The following ERI2 variants were observed in gnomAD, a reference collection of about 807,000 sequenced individuals.
ERI2 encodes the protein ERI1 exoribonuclease family member 2, also known as ERI1 exoribonuclease 2.
In ERI2, 35 loss-of-function variants were observed where a neutral mutation model predicts 46.8. The ratio of observed to expected loss-of-function variants is 0.75; its 90% confidence interval spans 0.57 to 0.99. ERI2 has a LOEUF of 0.99. ERI2 is among the 50% of genes least tolerant of loss of function. The probability of loss-of-function intolerance (pLI) is 0.00; values close to 1 mark genes in which losing one functional copy is unlikely to be tolerated. For synonymous variants in ERI2, 224 were observed against 271.0 expected (o/e 0.83, Z 1.70); for missense variants, 695 against 796.2 (o/e 0.87, Z 1.53).
At chr16:20,802,035 AG>A (rs995689660) in intron 4 of ERI2, among the ~76,000 whole-genome samples, 90 of 148,590 alleles carry the variant, frequency 6.1e-4, no homozygotes, top group African/African-American at 2.2e-3. Flanking sequence ...CTGAGATTAC[AG>A]GTATGTTCCT....
In ERI2 at chr16:20,798,875, C is replaced by A. The variant is rs2080764819; in HGVS notation, c.925G>T (p.Asp309Tyr). Residue 309 changes from aspartate (D) to tyrosine (Y), a missense_variant, in exon 9 of 9, where the codon GAT becomes TAT. By Grantham distance (160) the Asp-to-Tyr change is radical. Transcript: ENST00000357967. ...ATATTGTTTTTTACTTGTAATTGAT[C>A]CTGTTGTGCCTTTATAGGAGAATTT... ...CANSPIKAQQ[D>Y]QLQVKNNIKA... 1 of 1,550,222 alleles carries A rather than the reference C, an allele frequency of 6.5e-7. No homozygotes were observed. The highest frequency in any genetic ancestry group is 8.7e-7 in the Non-Finnish European group (1 of 1,146,614).
At chr16:20,780,782 G>A in intron 10 of ERI2, 1 of 1,614,202 alleles carries the variant, frequency 6.2e-7, no homozygotes, top group Non-Finnish European at 8.5e-7. Context: ...TTCTTTACCA[G>A]TGGAACAAGT....
chr16:20,792,347 G>C (rs1427443366), downstream of ERI2: 1 of 1,613,444 alleles, frequency 6.2e-7, no homozygotes, highest in East Asian at 2.2e-5. Flanking sequence ...TAAAAGAACT[G>C]ATTCATGTCA....
chr16:20,796,884 A>AG lies in ERI2; in HGVS notation c.*839dup, dbSNP rs751833102. On this transcript the variant is annotated 3_prime_UTR_variant, in exon 9 of 9. Coordinates refer to ENST00000357967, the MANE Select transcript of ERI2 (RefSeq NM_001142725.2). Reference sequence around the variant, plus strand: ...TAATTTTCTTCCCCTTGATGCCAACAGGTAGAATTTATTCAAGAGCTGCCA... The same window carrying AG: ...TAATTTTCTTCCCCTTGATGCCAACAGGGTAGAATTTATTCAAGAGCTGCCA... 6.2e-6 allele frequency: 10 copies of AG among 1,611,486 alleles called. No individual in the cohort carries two copies. The highest frequency in any genetic ancestry group is 5.1e-6 in the Non-Finnish European group (6 of 1,179,218).
intron 10 of ERI2, among the ~76,000 whole-genome samples, chr16:20,788,412 G>A (rs184354280): frequency 1.5e-4 from 23 of 152,256 alleles, no homozygotes; most frequent in Admixed American, 9.8e-4. Context: ...CCATTAATTT[G>A]AGCCCAGTGG....
downstream of ERI2, chr16:20,791,991 T>C (rs768775183): frequency 1.3e-5 from 21 of 1,613,454 alleles, 1 homozygote; most frequent in South Asian, 2.2e-4. Flanking sequence ...AAAATGCTAT[T>C]TGTTTTGCAG....
chr16:20,781,239 A>T (rs773093336), intron 10 of ERI2: 77 of 1,334,866 alleles, frequency 5.8e-5, no homozygotes, highest in Middle Eastern at 1.9e-4. Context: ...AATATGATTT[A>T]AGATATGTCA....
At chr16:20,781,870 C>T in intron 10 of ERI2, 2 of 1,079,040 alleles carry the variant, frequency 1.9e-6, no homozygotes, top group Non-Finnish European at 1.4e-6. Context: ...CTGCCTGAAA[C>T]ATAGCTCCAA....
Position 20,799,339 on chromosome 16 carries a change from G to A in ERI2, c.656C>T (p.Ser219Phe). ...SGREHSGLDD[S>F]RNTALLAWKM... ...CCAAGCAAGAAGGGCAGTATTCCGAGAATCGTCCAACCCTGAGGATACAGA... is the reference window on the plus strand; with the variant it reads ...CCAAGCAAGAAGGGCAGTATTCCGAAAATCGTCCAACCCTGAGGATACAGA... Residue 219 changes from serine (S) to phenylalanine (F), a missense_variant, in exon 8 of 9, where the codon TCT becomes TTT. Physicochemically the swap from Ser to Phe is radical, Grantham distance 155. Coordinates refer to ENST00000357967, the MANE Select transcript of ERI2 (RefSeq NM_001142725.2). The A allele has an allele frequency of 6.2e-7, 1 of 1,613,588 alleles. No homozygotes were observed. The highest frequency in any genetic ancestry group is 1.1e-5 in the South Asian group (1 of 91,062).
intron 10 of ERI2, among the ~76,000 whole-genome samples, chr16:20,784,115 C>G (rs1180896436): frequency 6.6e-6 from 1 of 152,118 alleles, no homozygotes; most frequent in African/African-American, 2.4e-5. Flanking sequence ...CTTTCCTTCT[C>G]TATTATAAAC....
chr16:20,796,306 C>T, downstream of ERI2: 2 of 1,575,192 alleles, frequency 1.3e-6, no homozygotes, highest in South Asian at 2.4e-5. Flanking sequence ...AGCAAGCAAA[C>T]AAGACATACT....
At chr16:20,784,987 T>C (rs758260429) in intron 10 of ERI2, 15 of 1,611,122 alleles carry the variant, frequency 9.3e-6, no homozygotes, top group Middle Eastern at 1.6e-4. Flanking sequence ...TGAGAAGCTA[T>C]AAGTTTAAAA....
At chr16:20,795,191 TG>T (rs1433660354), downstream of ERI2, among the ~76,000 whole-genome samples, 3 of 152,174 alleles carry the variant, frequency 2.0e-5, no homozygotes, top group African/African-American at 7.2e-5. Flanking sequence ...GTGTTGTTGT[TG>T]TTTTTTTTCT....
At chr16:20,786,065 T>TAAGAA in intron 10 of ERI2, 1 of 1,503,220 alleles carries the variant, frequency 6.7e-7, no homozygotes, top group Non-Finnish European at 9.0e-7. Flanking sequence ...TACTTTTTCT[T>TAAGAA]CTTCTTAACT....
rs769462806 is a variant in ERI2 at position 20,799,114 on chromosome 16, G to A, written c.733-47C>T. 408 of 1,478,140 alleles carry A rather than the reference G, an allele frequency of 2.8e-4. 1 individual carries two copies. The highest frequency in any genetic ancestry group is 3.4e-4 in the Non-Finnish European group (382 of 1,117,064). The allele number at this position is 1,478,140 out of a possible 1,614,324, so 91.6% of individuals were successfully genotyped here. A position where few individuals can be genotyped will look rare whatever the true frequency, so the allele number is the denominator to read the frequency against. ...CAACAGCTTTAGAAACTGTGCATTC[G>A]TTAATTTCTTCAGTATACAGTTTTA... On this transcript the variant is annotated intron_variant, in intron 8 of 8. Transcript: ENST00000357967.
chr16:20,798,777 C>G lies in ERI2; in HGVS notation c.1023G>C (p.Gln341His). ...FNTKSSTSVG[Q>H]LQSPTLNSPI... ...GTGAATTCAAGGTAGGAGACTGCAA[C>G]TGCCCCACAGAAGTAGAGGACTTAG... Residue 341 changes from glutamine to histidine, a missense_variant, in exon 9 of 9, where the codon CAG becomes CAC. Gln to His is a conservative substitution (Grantham distance 24). Coordinates refer to ENST00000357967, the MANE Select transcript of ERI2 (RefSeq NM_001142725.2). 2 of 1,551,576 alleles carry G rather than the reference C, an allele frequency of 1.3e-6. No homozygotes were observed. The highest frequency in any genetic ancestry group is 1.7e-6 in the Non-Finnish European group (2 of 1,146,896).
At position 20,790,269 on chromosome 16, in the gene ERI2, TC is replaced by T. The variant is rs1423252761; in HGVS notation, c.815+580del. Reference sequence around the variant, plus strand: ...GAACCAGCCTGGGCAACATAATGAGTCCCTCATCCCTACAAAAAATAAAAAT... The same window carrying T: ...GAACCAGCCTGGGCAACATAATGAGTCCTCATCCCTACAAAAAATAAAAAT... On this transcript the variant is annotated intron_variant, in intron 9 of 10. Transcript: ENST00000300005. This position sits in a 1 kb window ranked among gnomAD's most constrained non-coding sequence, Gnocchi z 4.0. 2.0e-5 allele frequency among the ~76,000 whole-genome samples: 3 copies of T among 151,916 alleles called. No homozygotes were observed. Among genetic ancestry groups the T allele is most frequent in the African/African-American group, 7.3e-5 (3 of 41,350 alleles).
At chr16:20,787,578 A>AC (rs1175278315) in intron 10 of ERI2, among the ~76,000 whole-genome samples, 1 of 152,148 alleles carries the variant, frequency 6.6e-6, no homozygotes, top group Non-Finnish European at 1.5e-5. Context: ...TTTAACAAGC[A>AC]CCCCCCAAGT....
chr16:20,784,869 G>A (rs1206711025), intron 10 of ERI2: 1 of 1,136,178 alleles, frequency 8.8e-7, no homozygotes, highest in Non-Finnish European at 1.2e-6. Flanking sequence ...GTGCTAGGGA[G>A]AGGAATTAAA....
Sources: gnomAD v4.1 joint callset for allele counts (sites outside exome capture counted in the v4.1 genomes callset) on GRCh38, gnomAD v4.1.1 for gene constraint, Gnocchi (gnomAD v3.1) non-coding constraint, MANE v1.5 for transcripts, NCBI Gene and HGNC (gene_info 2026-07-23, HGNC 2026-07-21) for gene names.